The following CFD variants were observed in gnomAD, a reference collection of about 807,000 sequenced individuals.
The protein encoded by CFD is complement factor D.
A neutral mutation model predicts 21.1 loss-of-function variants in CFD; 24 were observed. The ratio of observed to expected loss-of-function variants is 1.14; its 90% CI spans 0.82 to 1.60. The LOEUF (loss-of-function observed/expected upper bound fraction) is 1.60, where lower values mean the gene tolerates loss of function less well. CFD is among the 40% of genes most tolerant of loss of function. The pLI is 0.00. For synonymous variants in CFD, 242 were observed against 175.9 expected (o/e 1.38, Z -2.97); for missense variants, 535 against 383.3 (o/e 1.40, Z -3.31).
chr19:863,395 A>G lies in CFD; in HGVS notation c.*157A>G. The stretch of plus-strand genomic sequence containing the variant: ...CATTGGATCTCAGGAGTTCGAGATC[A>G]GCATGGGCCACGTAGCGCGACTCCA... On this transcript the variant is annotated 3_prime_UTR_variant, in exon 5 of 5. Coordinates refer to ENST00000327726, the MANE Select transcript of CFD (RefSeq NM_001928.4). 1 of 832,472 alleles carries G rather than the reference A, an allele frequency of 1.2e-6. No individual in the cohort carries two copies. The highest frequency in any genetic ancestry group is 1.9e-6 in the Non-Finnish European group (1 of 513,834). 51.6% of individuals were successfully genotyped at this position (832,472 alleles called of 1,614,324 possible).
rs745851721 is a variant in CFD, at chr19:860,993, C to T, written c.345C>T (p.Leu115=). ...DSQPDTIDHD[L]LLLQLSEKAT... ...AGCCCGACACCATCGACCACGACCT[C>T]CTGCTGCTACAGGTCGGCCCCGTGT... Residue 115 remains leucine (L), a synonymous_variant, in exon 3 of 5, where the codon CTC becomes CTT. Transcript: ENST00000327726. 6.3e-6 allele frequency: 10 copies of T among 1,598,684 alleles called. No individual in the cohort carries two copies. In the South Asian group the frequency reaches 9.9e-5, roughly 16 times the overall value.
Position 863,572 on chromosome 19 carries a change from A to G in CFD, c.*334A>G. Reference sequence around the variant, plus strand: ...AGTTGTGATTGCACCACTGCCCTCCAGCCTGGGCAACAGAGTGAAACCTTG... The same window carrying G: ...AGTTGTGATTGCACCACTGCCCTCCGGCCTGGGCAACAGAGTGAAACCTTG... On this transcript the variant is annotated 3_prime_UTR_variant, in exon 5 of 5. Coordinates refer to ENST00000327726, the MANE Select transcript of CFD (RefSeq NM_001928.4). The G allele has an allele frequency of 3.1e-6, 1 of 325,930 alleles. No individual in the cohort carries two copies. The highest frequency in any genetic ancestry group is 5.8e-6 in the Non-Finnish European group (1 of 171,844). The allele number at this position is 325,930 out of a possible 1,614,324, so 20.2% of individuals were successfully genotyped here. A position where few individuals can be genotyped will look rare whatever the true frequency, so the allele number is the denominator to read the frequency against.
intron 4 of CFD, among the ~76,000 whole-genome samples, chr19:862,498 A>AGGGGCGGGGCATGGGGAC (rs1187222525): frequency 3.8e-4 from 2 of 5,196 alleles, no homozygotes; most frequent in African/African-American, 1.7e-3. Context: ...ACGTGGAGGA[A>AGGGGCGGGGCATGGGGAC]GGGGCGGGGC....
Position 861,875 on chromosome 19 carries a change from C to T in CFD, c.534C>T (p.Thr178=), listed in dbSNP as rs1312569089. The change falls in exon 4 of 5, where the codon ACC becomes ACT. Residue 178 remains threonine (T), a synonymous_variant. Coordinates refer to ENST00000327726, the MANE Select transcript of CFD (RefSeq NM_001928.4). ...HVLLPVLDRA[T]CNRRTHHDGA... ...TCTTGCCAGTGCTGGACCGCGCCACCTGCAACCGGCGCACGCACCACGACG... is the reference window on the plus strand; with the variant it reads ...TCTTGCCAGTGCTGGACCGCGCCACTTGCAACCGGCGCACGCACCACGACG... 2 of 1,591,878 alleles carry T rather than the reference C, an allele frequency of 1.3e-6. No individual in the cohort carries two copies. Among genetic ancestry groups the T allele is most frequent in the African/African-American group, 2.7e-5 (2 of 74,746 alleles).
Position 863,222 on chromosome 19 carries a change from A to C in CFD, c.746A>C (p.Asp249Ala). 6.5e-7 allele frequency: 1 copy of C among 1,545,580 alleles called. No individual in the cohort carries two copies. The change falls in exon 5 of 5, where the codon GAC (aspartate) becomes GCC (alanine). Residue 249 changes from aspartate (D) to alanine (A), a missense_variant. Coordinates refer to ENST00000327726, the MANE Select transcript of CFD (RefSeq NM_001928.4). ...TRVASYAAWI[D>A]SVLA ...GTGGCGAGCTATGCGGCCTGGATCG[A>C]CAGCGTCCTGGCCTAGGGTGCCGGG...
At chr19:862,720 C>T (rs961987448) in intron 4 of CFD, among the ~76,000 whole-genome samples, 3 of 151,394 alleles carry the variant, frequency 2.0e-5, no homozygotes, top group Non-Finnish European at 2.9e-5. Context: ...CTGAGCAGAG[C>T]AGGTGGCCAC....
rs1248058466 is a variant in CFD at position 863,299 on chromosome 19, C to G, written c.*61C>G. 9.1e-6 allele frequency: 14 copies of G among 1,530,432 alleles called. No individual in the cohort carries two copies. Among genetic ancestry groups the G allele is most frequent in the Middle Eastern group, 1.7e-4 (1 of 5,996 alleles). The allele number at this position is 1,530,432 out of a possible 1,614,324, so 94.8% of individuals were successfully genotyped here. ...ACAAAGTCCCGAGCAATGAAGTCAT[C>G]CACTCCTGCATCTGGTTGGTCTTTA... On this transcript the variant is annotated 3_prime_UTR_variant, in exon 5 of 5. Coordinates refer to ENST00000327726, the MANE Select transcript of CFD (RefSeq NM_001928.4).
Position 860,630 on chromosome 19 carries a change from TG to T in CFD, c.71del (p.Gly24ValfsTer22). On this transcript the variant is annotated frameshift_variant, in exon 2 of 5. Transcript: ENST00000327726. LOFTEE classifies it high-confidence loss of function. ...GAAACAAPPRGRILGGREAEA... is the reference protein window; with the variant it reads ...GAAACAAPPRXRILGGREAEA... The stretch of plus-strand genomic sequence containing the variant: ...GCCCACCCACAGCGGCGCCGCCCCG[TG>T]GTCGGATCCTGGGCGGCAGAGAGGC... 1 of 1,458,802 alleles carries T rather than the reference TG, an allele frequency of 6.9e-7. No individual in the cohort carries two copies. The highest frequency in any genetic ancestry group is 2.8e-5 in the East Asian group (1 of 35,190). 90.4% of individuals were successfully genotyped at this position (1,458,802 alleles called of 1,614,324 possible).
Position 859,669 on chromosome 19 carries a change from C to G in CFD, c.-21C>G, listed in dbSNP as rs769363207. 1 of 1,556,616 alleles carries G rather than the reference C, an allele frequency of 6.4e-7. No individual in the cohort carries two copies. On this transcript the variant is annotated 5_prime_UTR_variant, in exon 1 of 5. Transcript: ENST00000327726. ...CCCAGGGCCCTGCCTGGGTCAGTGTCTCAGCCACAGCGGCTTCACCATGCA... is the reference window on the plus strand; with the variant it reads ...CCCAGGGCCCTGCCTGGGTCAGTGTGTCAGCCACAGCGGCTTCACCATGCA...
At chr19:862,474 TA>T (rs1317425789) in intron 4 of CFD, among the ~76,000 whole-genome samples, 1 of 49,990 alleles carries the variant, frequency 2.0e-5, no homozygotes, top group East Asian at 6.1e-4. Flanking sequence ...GGGTGGGAGG[TA>T]TAGGGGGCGG....
At position 860,935 on chromosome 19, in the gene CFD, A is replaced by G; in HGVS notation, c.287A>G (p.Asp96Gly). The stretch of plus-strand genomic sequence containing the variant: ...CCGGAGCCCTCCAAGCGCCTGTACG[A>G]CGTGCTCCGCGCAGTGCCCCACCCG... ...SQPEPSKRLY[D>G]VLRAVPHPDS... is the part of the protein sequence containing the mutation. The change falls in exon 3 of 5, where the codon GAC becomes GGC. Residue 96 changes from aspartate to glycine, a missense_variant. By Grantham distance (94) the Asp-to-Gly change is moderately conservative. Coordinates refer to ENST00000327726, the MANE Select transcript of CFD (RefSeq NM_001928.4). 1 of 1,601,182 alleles carries G rather than the reference A, an allele frequency of 6.2e-7. No individual in the cohort carries two copies. Among genetic ancestry groups the G allele is most frequent in the Non-Finnish European group, 8.5e-7 (1 of 1,179,208 alleles).
In CFD at chr19:860,633, T is replaced by G. The variant is rs908256136; in HGVS notation, c.72T>G (p.Gly24=). ...GAAACAAPPR[G]RILGGREAEA... ...CACCCACAGCGGCGCCGCCCCGTGG[T>G]CGGATCCTGGGCGGCAGAGAGGCCG... is the stretch of plus-strand genomic sequence containing the variant. Residue 24 remains glycine (G), a synonymous_variant, in exon 2 of 5, where the codon GGT becomes GGG. Coordinates refer to ENST00000327726, the MANE Select transcript of CFD (RefSeq NM_001928.4). 1 of 1,463,522 alleles carries G rather than the reference T, an allele frequency of 6.8e-7. No individual in the cohort carries two copies. Among genetic ancestry groups the G allele is most frequent in the Admixed American group, 2.5e-5 (1 of 39,600 alleles). The allele number at this position is 1,463,522 out of a possible 1,614,324, so 90.7% of individuals were successfully genotyped here. A position where few individuals can be genotyped will look rare whatever the true frequency, so the allele number is the denominator to read the frequency against.
At chr19:860,151 A>T (rs1188325838) in intron 1 of CFD, among the ~76,000 whole-genome samples, 3 of 151,346 alleles carry the variant, frequency 2.0e-5, no homozygotes, top group African/African-American at 7.3e-5. Flanking sequence ...CTGAGTTTGC[A>T]ACGCTGAGGG....
chr19:860,902 T>G lies in CFD; in HGVS notation c.254T>G (p.Leu85Arg). ...KVQVLLGAHSLSQPEPSKRLY... is the reference protein window; with the variant it reads ...KVQVLLGAHSRSQPEPSKRLY... Reference sequence around the variant, plus strand: ...CAGGTTCTCCTGGGCGCGCACTCCCTGTCGCAGCCGGAGCCCTCCAAGCGC... The same window carrying G: ...CAGGTTCTCCTGGGCGCGCACTCCCGGTCGCAGCCGGAGCCCTCCAAGCGC... The change falls in exon 3 of 5, where the codon CTG becomes CGG. Residue 85 changes from leucine (L) to arginine (R), a missense_variant. Transcript: ENST00000327726. The G allele has an allele frequency of 4.4e-6, 7 of 1,591,864 alleles. No homozygotes were observed. Among genetic ancestry groups the G allele is most frequent in the Non-Finnish European group, 6.0e-6 (7 of 1,174,716 alleles).
intron 3 of CFD, 138 bp from the exon 4 acceptor site, chr19:861,561 T>G: frequency 1.2e-6 from 1 of 856,060 alleles, no homozygotes; most frequent in Non-Finnish European, 1.7e-6. Context: ...GGGTCTAGCC[T>G]AAATCTCTCC....
chr19:862,289 T>C (rs1288385731), intron 4 of CFD, among the ~76,000 whole-genome samples: 1 of 10,278 alleles, frequency 9.7e-5, no homozygotes, highest in Admixed American at 1.4e-3. Context: ...AGGGTGGGAA[T>C]AGGGGGCGGG....
At position 863,367 on chromosome 19, in the gene CFD, G is replaced by C; in HGVS notation, c.*129G>C. The stretch of plus-strand genomic sequence containing the variant: ...GCAGAAGGGGAGGCCGAGGTGGGAG[G>C]ATCATTGGATCTCAGGAGTTCGAGA... On this transcript the variant is annotated 3_prime_UTR_variant, in exon 5 of 5. Transcript: ENST00000327726. 9.1e-7 allele frequency: 1 copy of C among 1,096,486 alleles called. No individual in the cohort carries two copies. The highest frequency in any genetic ancestry group is 1.3e-6 in the Non-Finnish European group (1 of 749,326). 67.9% of individuals were successfully genotyped at this position (1,096,486 alleles called of 1,614,324 possible).
In CFD at chr19:860,467, A is replaced by G. The variant is rs979701473; in HGVS notation, c.56-150A>G. 5.1e-6 allele frequency: 3 copies of G among 587,024 alleles called. No individual in the cohort carries two copies. In the African/African-American group the frequency reaches 6.0e-5, roughly 12 times the overall value. 36.4% of individuals were successfully genotyped at this position (587,024 alleles called of 1,614,324 possible). A position where few individuals can be genotyped will look rare whatever the true frequency, so the allele number is the denominator to read the frequency against. Reference sequence around the variant, plus strand: ...CCCCCCGCCCCCGCGCGGCTTCACAAAGTGCTGGGATTACAGGCGTGAGCC... The same window carrying G: ...CCCCCCGCCCCCGCGCGGCTTCACAGAGTGCTGGGATTACAGGCGTGAGCC... On this transcript the variant is annotated intron_variant, in intron 1 of 4. Coordinates refer to ENST00000327726, the MANE Select transcript of CFD (RefSeq NM_001928.4).
intron 4 of CFD, 135 bp downstream of exon 4, chr19:862,091 A>C (rs1369794919): frequency 1.9e-6 from 2 of 1,070,358 alleles, no homozygotes; most frequent in African/African-American, 4.2e-5. Flanking sequence ...GGGAACTGGA[A>C]GATGGGCGGA....
Sources: allele counts gnomAD v4.1 joint callset (sites outside exome capture counted in the v4.1 genomes callset), GRCh38; gene constraint gnomAD v4.1.1; transcripts MANE v1.5; gene names NCBI Gene and HGNC (gene_info 2026-07-23, HGNC 2026-07-21).